Variants in FRY observed in about 807,000 individuals in gnomAD.
FRY encodes the protein protein furry homolog.
Under a neutral mutation model 348.4 loss-of-function variants are expected in FRY, and 128 were observed. The ratio of observed to expected loss-of-function variants is 0.37; its 90% confidence interval spans 0.32 to 0.43. The LOEUF (loss-of-function observed/expected upper bound fraction) is 0.43, where lower values mean the gene tolerates loss of function less well. Ranked by LOEUF, FRY falls within the 20% of genes least tolerant of loss-of-function variation. FRY has a pLI of 1.00. For synonymous variants in FRY, 1,370 were observed against 1,374.7 expected, an observed-to-expected ratio of 1.00 and a Z score of 0.08; for missense variants, 2,736 against 3,695.2, an observed-to-expected ratio of 0.74 and a Z score of 6.73.
intron 1 of FRY, among the ~76,000 whole-genome samples, chr13:32,063,930 T>C (rs965982127): frequency 2.0e-5 from 3 of 152,254 alleles, no homozygotes; most frequent in Non-Finnish European, 4.4e-5. Context: ...TGCATGACCT[T>C]GTACATATTA....
chr13:32,279,353 A>G (rs776524408), intron 58 of FRY, among the ~76,000 whole-genome samples: 1 of 152,224 alleles, frequency 6.6e-6, no homozygotes, highest in Non-Finnish European at 1.5e-5. Context: ...GCCCGGAGGC[A>G]GGGGAACCAG....
intron 2 of FRY, among the ~76,000 whole-genome samples, chr13:32,097,112 G>A (rs1328363417): frequency 6.6e-6 from 1 of 152,080 alleles, no homozygotes; most frequent in Non-Finnish European, 1.5e-5. Context: ...GGAGCTTTGG[G>A]ATGTGGGTGG....
chr13:32,092,338 T>G (rs1876367110), intron 2 of FRY, among the ~76,000 whole-genome samples: 1 of 152,220 alleles, frequency 6.6e-6, no homozygotes. Flanking sequence ...CCCTCTAGAC[T>G]TCTAAGTGAC....
intron 17 of FRY, among the ~76,000 whole-genome samples, chr13:32,167,770 C>T (rs1020137056): frequency 2.6e-5 from 4 of 152,180 alleles, no homozygotes; most frequent in African/African-American, 9.7e-5. Flanking sequence ...CTAAGACCTT[C>T]AGGTCCATAG....
At chr13:32,160,866 G>T (rs1881402613) in intron 16 of FRY, among the ~76,000 whole-genome samples, 1 of 151,048 alleles carries the variant, frequency 6.6e-6, no homozygotes, top group South Asian at 2.1e-4. Context: ...AATGCAACTG[G>T]ACTAGACCCA....
intron 7 of FRY, among the ~76,000 whole-genome samples, chr13:32,125,551 C>T (rs1878966180): frequency 6.6e-6 from 1 of 152,164 alleles, no homozygotes; most frequent in Admixed American, 6.5e-5. Context: ...GAATTCATGC[C>T]AGGAGGTCAG....
chr13:32,124,765 C>G (rs938463598), intron 6 of FRY, 30 bp from the exon 7 acceptor site: 10 of 1,557,642 alleles, frequency 6.4e-6, no homozygotes, highest in Middle Eastern at 1.7e-4. Context: ...GACCAGGGAT[C>G]CCTAACTTGT....
intron 1 of FRY, among the ~76,000 whole-genome samples, chr13:32,068,527 G>A (rs568657879): frequency 1.2e-4 from 18 of 152,288 alleles, no homozygotes; most frequent in South Asian, 4.1e-4. Flanking sequence ...CCATGTAATC[G>A]CATCTTAGCA....
At chr13:32,141,164 C>T (rs1265244462) in intron 11 of FRY, among the ~76,000 whole-genome samples, 2 of 152,048 alleles carry the variant, frequency 1.3e-5, no homozygotes. Flanking sequence ...ATGACAAGCA[C>T]GTTATTTTCC....
At chr13:32,042,790 T>TGGCAAAGTTGAATGGAATA (rs1324704021) in intron 1 of FRY, among the ~76,000 whole-genome samples, 2 of 152,244 alleles carry the variant, frequency 1.3e-5, no homozygotes, top group Non-Finnish European at 2.9e-5. Flanking sequence ...GACCAGTCAC[T>TGGCAAAGTTGAATGGAATA]GGCAAAGTTG....
At chr13:32,155,241 A>G (rs1039649367) in intron 14 of FRY, among the ~76,000 whole-genome samples, 3 of 152,002 alleles carry the variant, frequency 2.0e-5, no homozygotes, top group Non-Finnish European at 4.4e-5. Context: ...AGAATATAGT[A>G]CATGACCATC....
chr13:32,189,241 T>C (rs1290404504), intron 28 of FRY, among the ~76,000 whole-genome samples: 1 of 152,174 alleles, frequency 6.6e-6, no homozygotes, highest in Non-Finnish European at 1.5e-5. Context: ...ATAGCGGCTC[T>C]TTTCAAACTG....
intron 2 of FRY, among the ~76,000 whole-genome samples, chr13:32,092,615 C>G (rs541004389): frequency 6.6e-6 from 1 of 152,272 alleles, no homozygotes; most frequent in Admixed American, 6.5e-5. Flanking sequence ...TATGGAAATA[C>G]TGAAACTCCT....
At position 32,225,613 on chromosome 13, in the gene FRY, A is replaced by G. The variant is rs578238859; in HGVS notation, c.5021-176A>G. Among the ~76,000 whole-genome samples, 38 of 152,376 alleles carry G rather than the reference A, an allele frequency of 2.5e-4. 1 individual carries two copies. The South Asian group carries it at 7.9e-3, about 32-fold the overall frequency. The stretch of plus-strand genomic sequence containing the variant: ...TATGAGAACATTTTACTTAAGAAAT[A>G]AAGCATTTTATTTTTCCTAAGCCCA... On this transcript the variant is annotated intron_variant, in intron 38 of 60. Coordinates refer to ENST00000542859, the MANE Select transcript of FRY (RefSeq NM_023037.3).
At chr13:32,234,170 T>C (rs920831308) in intron 41 of FRY, among the ~76,000 whole-genome samples, 9 of 147,474 alleles carry the variant, frequency 6.1e-5, no homozygotes, top group African/African-American at 2.0e-4. Context: ...GCTTGTAATC[T>C]GAGCACTTTA....
chr13:32,289,806 C>G, intron 59 of FRY, 63 bp downstream of exon 59: 1 of 849,748 alleles, frequency 1.2e-6, no homozygotes. Context: ...TGTTCTTCCT[C>G]ACTCCACCCC....
At chr13:32,265,334 C>G in intron 53 of FRY, 116 bp from the exon 54 acceptor site, 1 of 974,474 alleles carries the variant, frequency 1.0e-6, no homozygotes, top group Non-Finnish European at 1.6e-6. Context: ...AAACAAATGT[C>G]CCCATTTCTA....
At chr13:32,031,998 TC>T (rs138481396) in intron 1 of FRY, 133 bp downstream of exon 1, 8,577 of 542,368 alleles carry the variant, frequency 0.016, 182 homozygotes, top group Middle Eastern at 0.023. Flanking sequence ...TCTTTTCTTT[TC>T]TCTTTCTTTC....
At position 32,171,133 on chromosome 13, in the gene FRY, C is replaced by T. The variant is rs1481979305; in HGVS notation, c.2014C>T (p.Arg672Trp). 6 of 1,613,586 alleles carry T rather than the reference C, an allele frequency of 3.7e-6. No homozygotes were observed. Among genetic ancestry groups the T allele is most frequent in the East Asian group, 2.2e-5 (1 of 44,874 alleles). The change falls in exon 18 of 61, where the codon CGG becomes TGG. Residue 672 changes from arginine (R) to tryptophan (W), a missense_variant. Physicochemically the swap from Arg to Trp is moderately radical, Grantham distance 101. Transcript: ENST00000542859. ...ATTTGGCTTTACCAACTTCCTGCTC[C>T]GGGAAGTAAATGATATGCATCACAC... ...VLFGFTNFLL[R>W]EVNDMHHTLL...
Sources: allele counts gnomAD v4.1 joint callset (sites outside exome capture counted in the v4.1 genomes callset), GRCh38; gene constraint gnomAD v4.1.1; transcripts MANE v1.5; gene names NCBI Gene and HGNC (gene_info 2026-07-23, HGNC 2026-07-21).